Variants in DYNC2I1 observed in about 807,000 individuals in gnomAD.
DYNC2I1 encodes the protein cytoplasmic dynein 2 intermediate chain 1.
A neutral mutation model predicts 133.4 loss-of-function variants in DYNC2I1; 89 were observed. That is an observed-to-expected ratio of 0.67 (90% CI 0.56 to 0.80). DYNC2I1 has a LOEUF of 0.80. Among genes scored for constraint, DYNC2I1 ranks in the 30% least tolerant of loss-of-function variants. The probability of loss-of-function intolerance (pLI) is 0.00; values close to 1 mark genes in which losing one functional copy is unlikely to be tolerated. For missense variants in DYNC2I1, 1,291 were observed against 1,314.5 expected (o/e 0.98, Z 0.28); for synonymous variants, 504 against 484.3 (o/e 1.04, Z -0.54).
Position 158,918,737 on chromosome 7 carries a change from C to A in DYNC2I1, c.1792-3C>A. ...TTAAAGACTACTCACTTATGTCTGA[C>A]AGGTGATGGCCGTTTTGCTGGAAGA... On this transcript the variant is annotated splice_region_variant and splice_polypyrimidine_tract_variant and intron_variant, in intron 14 of 24. Coordinates refer to ENST00000407559, the MANE Select transcript of DYNC2I1 (RefSeq NM_018051.5). 2.5e-6 allele frequency: 4 copies of A among 1,613,492 alleles called. No homozygotes were observed. Among genetic ancestry groups the A allele is most frequent in the Non-Finnish European group, 3.4e-6 (4 of 1,179,638 alleles).
chr7:158,856,345 G>A (rs1461706814), upstream of DYNC2I1, among the ~76,000 whole-genome samples: 1 of 152,232 alleles, frequency 6.6e-6, no homozygotes, highest in Non-Finnish European at 1.5e-5. Flanking sequence ...GGCGAGTCAA[G>A]AGCCCCTGCA....
At chr7:158,866,515 A>T (rs903068738) in intron 1 of DYNC2I1, among the ~76,000 whole-genome samples, 2 of 151,072 alleles carry the variant, frequency 1.3e-5, no homozygotes, top group Non-Finnish European at 3.0e-5. Context: ...CTCTCTGGTC[A>T]CTCGTGTCCT....
At chr7:158,886,513 C>T (rs370498505) in intron 6 of DYNC2I1, among the ~76,000 whole-genome samples, 1 of 152,128 alleles carries the variant, frequency 6.6e-6, no homozygotes, top group African/African-American at 2.4e-5. Flanking sequence ...TATTTTCTGT[C>T]TTGAATTATT....
Position 158,945,431 on chromosome 7 carries a change from C to A in DYNC2I1, c.3003-150C>A. 1 of 882,714 alleles carries A rather than the reference C, an allele frequency of 1.1e-6. No individual in the cohort carries two copies. The highest frequency in any genetic ancestry group is 1.7e-6 in the Non-Finnish European group (1 of 593,584). 54.7% of individuals were successfully genotyped at this position (882,714 alleles called of 1,614,324 possible). The stretch of plus-strand genomic sequence containing the variant: ...GAAATGCATTTTCACACATTTATTT[C>A]TGGTCTAGCTTTCATTTTGGCTATT... On this transcript the variant is annotated intron_variant, in intron 24 of 24. Coordinates refer to ENST00000407559, the MANE Select transcript of DYNC2I1 (RefSeq NM_018051.5). The surrounding 1 kb of genome is among the most constrained non-coding windows in gnomAD (Gnocchi z 4.1).
chr7:158,900,824 T>G (rs530542806), intron 8 of DYNC2I1, among the ~76,000 whole-genome samples: 1 of 152,034 alleles, frequency 6.6e-6, no homozygotes, highest in African/African-American at 2.4e-5. Flanking sequence ...ACAGAGACTT[T>G]TCTTCAGCTC....
chr7:158,947,724 CT>C (rs1851931754), downstream of DYNC2I1, among the ~76,000 whole-genome samples: 1 of 152,234 alleles, frequency 6.6e-6, no homozygotes, highest in Admixed American at 6.5e-5. Context: ...TCACTCCCCC[CT>C]CTGAAGCCCT....
chr7:158,849,427 T>C, the DYNC2I1 span, among the ~76,000 whole-genome samples: 1 of 152,218 alleles, frequency 6.6e-6, no homozygotes, highest in Non-Finnish European at 1.5e-5. Flanking sequence ...ATTTTCTGGC[T>C]GGAAACCTCT....
At chr7:158,842,069 C>T in the DYNC2I1 span, among the ~76,000 whole-genome samples, 3 of 152,174 alleles carry the variant, frequency 2.0e-5, no homozygotes, top group African/African-American at 7.2e-5. Context: ...TGCTGTCTTG[C>T]CCAGGCTGGA....
At chr7:158,958,398 T>C (rs1307364683), downstream of DYNC2I1, among the ~76,000 whole-genome samples, 1 of 152,122 alleles carries the variant, frequency 6.6e-6, no homozygotes, top group Non-Finnish European at 1.5e-5. Context: ...GTGGCCGGGG[T>C]CCTGTTCTGT....
intron 15 of DYNC2I1, among the ~76,000 whole-genome samples, chr7:158,920,898 C>G (rs1849006005): frequency 1.3e-5 from 2 of 152,124 alleles, no homozygotes. Flanking sequence ...AAACACGCGG[C>G]AGAATGACAC....
intron 8 of DYNC2I1, among the ~76,000 whole-genome samples, chr7:158,893,450 A>G (rs1296713239): frequency 6.6e-6 from 1 of 152,172 alleles, no homozygotes; most frequent in African/African-American, 2.4e-5. Flanking sequence ...ATGTGCTCCA[A>G]ACAGTTACGT....
chr7:158,896,195 C>T (rs1445605932), intron 8 of DYNC2I1, among the ~76,000 whole-genome samples: 1 of 152,178 alleles, frequency 6.6e-6, no homozygotes, highest in African/African-American at 2.4e-5. Context: ...AACTGAGTTT[C>T]TCACTTAGGT....
chr7:158,897,719 T>C (rs1265607359), intron 8 of DYNC2I1, among the ~76,000 whole-genome samples: 1 of 152,214 alleles, frequency 6.6e-6, no homozygotes, highest in Admixed American at 6.5e-5. Flanking sequence ...GATTTTTCTC[T>C]GTTGATTTCC....
At chr7:158,910,017 C>T (rs542957027) in intron 11 of DYNC2I1, among the ~76,000 whole-genome samples, 2 of 152,066 alleles carry the variant, frequency 1.3e-5, no homozygotes. Context: ...TTGGGCGGGT[C>T]GTTCACTCGG....
At chr7:158,880,609 G>A (rs572199981) in intron 5 of DYNC2I1, among the ~76,000 whole-genome samples, 19 of 152,226 alleles carry the variant, frequency 1.2e-4, no homozygotes, top group African/African-American at 2.2e-4. Flanking sequence ...AAGCTGGTAC[G>A]TTTTAAAGTG....
intron 10 of DYNC2I1, chr7:158,903,378 T>G (rs769504837): frequency 6.6e-6 from 1 of 152,188 alleles, no homozygotes; most frequent in Non-Finnish European, 1.5e-5. Flanking sequence ...GAGGATAAAA[T>G]AGGATAATAT....
In DYNC2I1 at chr7:158,922,675, C is replaced by T. The variant is rs1585183103; in HGVS notation, c.2094+126C>T. The stretch of plus-strand genomic sequence containing the variant: ...AGGAGGTGGGTAGGGACTTATGGGC[C>T]ATTCTCTGTCTCTCACAGCTGGCCT... On this transcript the variant is annotated intron_variant, in intron 16 of 24. Coordinates refer to ENST00000407559, the MANE Select transcript of DYNC2I1 (RefSeq NM_018051.5). The T allele has an allele frequency of 2.2e-5, 20 of 891,942 alleles. 1 individual carries two copies. In the East Asian group the frequency reaches 5.4e-4, roughly 24 times the overall value. 55.3% of individuals were successfully genotyped at this position (891,942 alleles called of 1,614,324 possible).
intron 13 of DYNC2I1, 69 bp downstream of exon 13, chr7:158,913,165 T>C: frequency 8.4e-7 from 1 of 1,187,356 alleles, no homozygotes; most frequent in Non-Finnish European, 1.2e-6. Flanking sequence ...TTTTTACTTA[T>C]TCCCTTTCTG....
chr7:158,848,720 C>T, the DYNC2I1 span, among the ~76,000 whole-genome samples: 15 of 152,046 alleles, frequency 9.9e-5, no homozygotes, highest in African/African-American at 1.4e-4. Context: ...GTCAGGAGAG[C>T]GAGACCATTC....
Sources: gnomAD v4.1 joint callset for allele counts (sites outside exome capture counted in the v4.1 genomes callset) on GRCh38, gnomAD v4.1.1 for gene constraint, Gnocchi (gnomAD v3.1) non-coding constraint, MANE v1.5 for transcripts, NCBI Gene and HGNC (gene_info 2026-07-23, HGNC 2026-07-21) for gene names.